Variants in RAD54L2 observed in about 807,000 individuals in gnomAD.
RAD54L2 encodes RAD54 like 2.
RAD54L2 carries 27 observed loss-of-function variants against 138.4 expected under a neutral mutation model. The observed-to-expected ratio is 0.20, with a 90% CI of 0.14 to 0.27. RAD54L2 has a LOEUF of 0.27. RAD54L2 is among the 10% of genes least tolerant of loss of function. RAD54L2 has a pLI of 1.00. For missense variants in RAD54L2, 1,396 were observed against 1,890.2 expected, an observed-to-expected ratio of 0.74 and a Z score of 4.85; for synonymous variants, 644 against 723.2, an observed-to-expected ratio of 0.89 and a Z score of 1.76.
chr3:51,597,094 G>A (rs1042255344), intron 3 of RAD54L2, among the ~76,000 whole-genome samples: 1 of 151,164 alleles, frequency 6.6e-6, no homozygotes, highest in Admixed American at 6.6e-5. Context: ...GAACCCAGGA[G>A]GCGGAGGTTA....
Position 51,633,891 on chromosome 3 carries a change from C to G in RAD54L2, c.1009-11C>G. The G allele has an allele frequency of 2.5e-6, 4 of 1,608,852 alleles. No homozygotes were observed. Among genetic ancestry groups the G allele is most frequent in the Non-Finnish European group, 3.4e-6 (4 of 1,177,986 alleles). On this transcript the variant is annotated splice_polypyrimidine_tract_variant and intron_variant, in intron 8 of 22. Transcript: ENST00000684192. Reference sequence around the variant, plus strand: ...CATAAAACTCTCTTTTTGGACTTGGCTTTCTAATAGGTTAATACTCTTCAG... The same window carrying G: ...CATAAAACTCTCTTTTTGGACTTGGGTTTCTAATAGGTTAATACTCTTCAG...
intron 3 of RAD54L2, among the ~76,000 whole-genome samples, chr3:51,616,356 T>C (rs1338434176): frequency 6.6e-6 from 1 of 152,226 alleles, no homozygotes; most frequent in East Asian, 1.9e-4. Context: ...CTTTCATTCT[T>C]TTTAAACGTG....
chr3:51,619,386 G>A (rs1391150108), intron 3 of RAD54L2, among the ~76,000 whole-genome samples: 2 of 152,052 alleles, frequency 1.3e-5, no homozygotes, highest in African/African-American at 2.4e-5. Flanking sequence ...TTTTGAGACT[G>A]TAACAAAAGG....
Position 51,638,024 on chromosome 3 carries a change from G to GCATTAT in RAD54L2, c.1683-120_1683-119insCATTAT. 2 of 906,400 alleles carry GCATTAT rather than the reference G, an allele frequency of 2.2e-6. No homozygotes were observed. Among genetic ancestry groups the GCATTAT allele is most frequent in the Non-Finnish European group, 3.4e-6 (2 of 592,848 alleles). 56.1% of individuals were successfully genotyped at this position (906,400 alleles called of 1,614,324 possible). A position where few individuals can be genotyped will look rare whatever the true frequency, so the allele number is the denominator to read the frequency against. ...CACTCTGCATTATTGCAAGGCTGCA[G>GCATTAT]TGCATGTTGAGATCCTCAAGAGGGA... On this transcript the variant is annotated intron_variant, in intron 11 of 22. Transcript: ENST00000684192. This position sits in a 1 kb window ranked among gnomAD's most constrained non-coding sequence, Gnocchi z 4.3.
intron 2 of RAD54L2, among the ~76,000 whole-genome samples, chr3:51,575,947 C>T (rs1318803659): frequency 2.0e-5 from 3 of 152,124 alleles, no homozygotes; most frequent in African/African-American, 7.2e-5. Context: ...AGAATGCTTC[C>T]AGTGTTTGCC....
In RAD54L2 at chr3:51,563,477, A is replaced by G. The variant is rs186494462; in HGVS notation, c.-55+21827A>G. Among the ~76,000 whole-genome samples the G allele has an allele frequency of 8.6e-5, 13 of 152,000 alleles. No individual in the cohort carries two copies. The South Asian group carries it at 1.0e-3, about 12-fold the overall frequency. ...GTATTGGTTCTCATCCATCCCATCT[A>G]CTTTTTCTCTGAAGCTTCATAGAAC... On this transcript the variant is annotated intron_variant, in intron 2 of 22. Transcript: ENST00000684192.
intron 2 of RAD54L2, among the ~76,000 whole-genome samples, chr3:51,549,449 A>G (rs1202643408): frequency 1.3e-5 from 2 of 152,118 alleles, no homozygotes; most frequent in Non-Finnish European, 2.9e-5. Context: ...TCTTTCTCCT[A>G]ATGTATATTG....
At chr3:51,627,890 T>G (rs1049675848) in intron 4 of RAD54L2, 136 bp downstream of exon 4, 15 of 974,680 alleles carry the variant, frequency 1.5e-5, no homozygotes, top group East Asian at 5.2e-5. Context: ...GGTGTGTGTC[T>G]TCATTAATAG....
intron 21 of RAD54L2, 75 bp downstream of exon 21, chr3:51,657,744 T>C (rs546334368): frequency 2.0e-6 from 2 of 1,023,634 alleles, no homozygotes; most frequent in South Asian, 1.4e-5. Context: ...TAAATACATA[T>C]GACTTGAGCT....
At position 51,663,150 on chromosome 3, in the gene RAD54L2, A is replaced by C; in HGVS notation, c.4134A>C (p.Ile1378=). The change falls in exon 23 of 23, where the codon ATA becomes ATC. Residue 1378 remains isoleucine, a synonymous_variant. Coordinates refer to ENST00000684192, the MANE Select transcript of RAD54L2 (RefSeq NM_015106.4). ...SFMLNPSVPG[I]LPSYSLPFSQ... is the part of the protein sequence containing the mutation. Reference sequence around the variant, plus strand: ...TGCTCAACCCTTCTGTGCCAGGGATACTACCCAGCTATTCACTCCCATTCT... The same window carrying C: ...TGCTCAACCCTTCTGTGCCAGGGATCCTACCCAGCTATTCACTCCCATTCT... 1 of 1,613,908 alleles carries C rather than the reference A, an allele frequency of 6.2e-7. No homozygotes were observed. The highest frequency in any genetic ancestry group is 8.5e-7 in the Non-Finnish European group (1 of 1,179,856).
intron 3 of RAD54L2, among the ~76,000 whole-genome samples, chr3:51,625,890 A>G (rs776791770): frequency 3.3e-5 from 5 of 152,074 alleles, no homozygotes; most frequent in Non-Finnish European, 7.4e-5. Context: ...GTTAAAGGTC[A>G]TGAGAGACCA....
chr3:51,539,558 A>G (rs914404370), intron 1 of RAD54L2, among the ~76,000 whole-genome samples: 18 of 152,088 alleles, frequency 1.2e-4, no homozygotes, highest in Admixed American at 1.0e-3. Flanking sequence ...CACAGGAGTG[A>G]GTAGTGGCAC....
intron 3 of RAD54L2, among the ~76,000 whole-genome samples, chr3:51,595,636 C>T (rs1340374344): frequency 6.6e-6 from 1 of 152,098 alleles, no homozygotes; most frequent in African/African-American, 2.4e-5. Flanking sequence ...GAGAACAGCA[C>T]CATGACTTTG....
chr3:51,629,717 GC>G (rs1239282643), intron 5 of RAD54L2, among the ~76,000 whole-genome samples: 6 of 152,048 alleles, frequency 3.9e-5, no homozygotes, highest in African/African-American at 1.2e-4. Context: ...AAAAAAATTA[GC>G]CGGGCGTGGT....
chr3:51,633,337 C>G (rs983132930), intron 7 of RAD54L2, among the ~76,000 whole-genome samples: 1 of 152,144 alleles, frequency 6.6e-6, no homozygotes, highest in Non-Finnish European at 1.5e-5. Context: ...TTGACACTAC[C>G]GATTCATGCA....
At chr3:51,602,969 ACAGGTGCATACCACCACTC>A (rs1215646194) in intron 3 of RAD54L2, among the ~76,000 whole-genome samples, 1 of 152,044 alleles carries the variant, frequency 6.6e-6, no homozygotes, top group East Asian at 1.9e-4. Context: ...ACCTAGGACT[ACAGGTGCATACCACCACTC>A]CAGCTAATTT....
intron 2 of RAD54L2, among the ~76,000 whole-genome samples, chr3:51,544,347 T>A (rs945443132): frequency 6.6e-6 from 1 of 152,230 alleles, no homozygotes. Context: ...CAACACTTTG[T>A]TGTGAGAATG....
chr3:51,556,483 A>G (rs1698969579), intron 2 of RAD54L2, among the ~76,000 whole-genome samples: 1 of 152,058 alleles, frequency 6.6e-6, no homozygotes, highest in African/African-American at 2.4e-5. Context: ...CCTGTCCTCA[A>G]GTGATCCTCC....
chr3:51,594,999 G>C (rs952252515), intron 3 of RAD54L2, among the ~76,000 whole-genome samples: 11 of 150,908 alleles, frequency 7.3e-5, no homozygotes, highest in Admixed American at 2.7e-4. Flanking sequence ...TGAGTAGCTG[G>C]GACTACAGGC....
Sources: gnomAD v4.1 joint callset for allele counts (sites outside exome capture counted in the v4.1 genomes callset) on GRCh38, gnomAD v4.1.1 for gene constraint, Gnocchi (gnomAD v3.1) non-coding constraint, MANE v1.5 for transcripts, NCBI Gene and HGNC (gene_info 2026-07-23, HGNC 2026-07-21) for gene names.